CADM1: variants seen among roughly 807,000 people sequenced by gnomAD.
The protein encoded by CADM1 is TSLC-1.
A neutral mutation model predicts 53.1 loss-of-function variants in CADM1; 15 were observed. The observed-to-expected ratio is 0.28, with a 90% CI of 0.19 to 0.44. The LOEUF is 0.44. Among genes scored for constraint, CADM1 ranks in the 20% least tolerant of loss-of-function variants. The probability of loss-of-function intolerance (pLI) is 1.00; values close to 1 mark genes in which losing one functional copy is unlikely to be tolerated. For synonymous variants in CADM1, 281 were observed against 243.0 expected, an observed-to-expected ratio of 1.16 and a Z score of -1.45; for missense variants, 434 against 611.3, an observed-to-expected ratio of 0.71 and a Z score of 3.06.
chr11:115,451,991 G>A (rs751769761), intron 1 of CADM1, among the ~76,000 whole-genome samples: 6 of 152,238 alleles, frequency 3.9e-5, no homozygotes, highest in Non-Finnish European at 8.8e-5. Context: ...GTAACTTCTG[G>A]AAGAGAAACC....
intron 1 of CADM1, among the ~76,000 whole-genome samples, chr11:115,266,139 A>AGT (rs1472440146): frequency 1.3e-5 from 2 of 152,212 alleles, no homozygotes; most frequent in African/African-American, 4.8e-5. Context: ...GCCAGCATTC[A>AGT]GTGTGCTGTG....
intron 1 of CADM1, among the ~76,000 whole-genome samples, chr11:115,315,023 C>T (rs1314627259): frequency 3.3e-5 from 5 of 152,134 alleles, no homozygotes. Flanking sequence ...ACACGTTAAA[C>T]AGTTTAATCT....
At chr11:115,503,403 C>T (rs528314179) in intron 1 of CADM1, among the ~76,000 whole-genome samples, 21 of 152,294 alleles carry the variant, frequency 1.4e-4, no homozygotes, top group African/African-American at 4.8e-4. Context: ...AGGGTGCCCG[C>T]CTGGCCGCAG....
chr11:115,500,810 C>G (rs1449724538), intron 1 of CADM1, among the ~76,000 whole-genome samples: 1 of 152,140 alleles, frequency 6.6e-6, no homozygotes, highest in Non-Finnish European at 1.5e-5. Context: ...TGTGGAGACC[C>G]AGGAATCCGT....
At chr11:115,227,160 C>G (rs1291175482) in intron 5 of CADM1, among the ~76,000 whole-genome samples, 1 of 152,168 alleles carries the variant, frequency 6.6e-6, no homozygotes, top group East Asian at 1.9e-4. Flanking sequence ...TCAATTGGTG[C>G]ATCCTTGTTT....
intron 9 of CADM1, among the ~76,000 whole-genome samples, chr11:115,191,617 TG>T (rs1348839366): frequency 6.6e-6 from 1 of 152,216 alleles, no homozygotes; most frequent in Non-Finnish European, 1.5e-5. Flanking sequence ...ATTCCAATGC[TG>T]GCCAGCTGAG....
At chr11:115,392,544 T>C (rs961999168) in intron 1 of CADM1, among the ~76,000 whole-genome samples, 7 of 152,280 alleles carry the variant, frequency 4.6e-5, no homozygotes, top group African/African-American at 1.7e-4. Flanking sequence ...AAAACCCTAC[T>C]GAAAAGAAAA....
chr11:115,190,813 T>C (rs4936322), intron 10 of CADM1, 75 bp downstream of exon 10: 698,073 of 1,257,940 alleles, frequency 0.55, 196,344 homozygotes, highest in Non-Finnish European at 0.58. Flanking sequence ...GCAAACCAAA[T>C]GGCCATTTTG....
At position 115,381,693 on chromosome 11, in the gene CADM1, G is replaced by A. The variant is rs1428024653; in HGVS notation, c.124+122578C>T. Among the ~76,000 whole-genome samples, 5 of 152,224 alleles carry A rather than the reference G, an allele frequency of 3.3e-5. No homozygotes were observed. The East Asian group carries it at 5.8e-4, about 18-fold the overall frequency. Reference sequence around the variant, plus strand: ...CTATTGAAAACAATACCTGACACACGAAGTACATTAATCTTATTCCCTCCC... The same window carrying A: ...CTATTGAAAACAATACCTGACACACAAAGTACATTAATCTTATTCCCTCCC... On this transcript the variant is annotated intron_variant, in intron 1 of 11. Transcript: ENST00000331581.
chr11:115,404,605 C>T (rs1947265285), intron 1 of CADM1, among the ~76,000 whole-genome samples: 1 of 149,254 alleles, frequency 6.7e-6, no homozygotes. Flanking sequence ...CAAAAAATAA[C>T]ATAAATAAAA....
intron 5 of CADM1, among the ~76,000 whole-genome samples, chr11:115,223,316 T>C (rs918344772): frequency 2.6e-5 from 4 of 152,180 alleles, no homozygotes; most frequent in Non-Finnish European, 5.9e-5. Flanking sequence ...TGTCTCTAAG[T>C]GGTGTCTTAC....
At chr11:115,300,644 C>T (rs973001672) in intron 1 of CADM1, among the ~76,000 whole-genome samples, 2 of 152,012 alleles carry the variant, frequency 1.3e-5, no homozygotes, top group Admixed American at 1.3e-4. Context: ...ATGCTCGTAT[C>T]CCTATTTACA....
chr11:115,411,764 T>C (rs980741760), intron 1 of CADM1, among the ~76,000 whole-genome samples: 2 of 152,218 alleles, frequency 1.3e-5, no homozygotes, highest in East Asian at 3.9e-4. Flanking sequence ...GCCTCTAATT[T>C]CAAATACCCT....
intron 7 of CADM1, 92 bp from the exon 8 acceptor site, chr11:115,209,749 G>T: frequency 6.7e-7 from 1 of 1,487,572 alleles, no homozygotes; most frequent in Non-Finnish European, 9.2e-7. Flanking sequence ...ACATTGAGAT[G>T]TTTGTTTGAT....
chr11:115,228,387 C>A (rs1415813620), intron 5 of CADM1, among the ~76,000 whole-genome samples: 1 of 152,194 alleles, frequency 6.6e-6, no homozygotes, highest in Non-Finnish European at 1.5e-5. Context: ...ACCATCCCAA[C>A]CAAACTCTGG....
At chr11:115,350,135 C>T (rs754666611) in intron 1 of CADM1, among the ~76,000 whole-genome samples, 2 of 152,104 alleles carry the variant, frequency 1.3e-5, no homozygotes, top group Non-Finnish European at 2.9e-5. Context: ...CCATGACTGG[C>T]TAACTTTGTA....
chr11:115,186,774 C>T (rs1210232224), intron 10 of CADM1, among the ~76,000 whole-genome samples: 1 of 152,186 alleles, frequency 6.6e-6, no homozygotes, highest in Non-Finnish European at 1.5e-5. Context: ...AACTGACCTC[C>T]ACCTTCTTCC....
At chr11:115,218,676 A>G (rs1941286919) in intron 5 of CADM1, among the ~76,000 whole-genome samples, 1 of 152,200 alleles carries the variant, frequency 6.6e-6, no homozygotes, top group Admixed American at 6.6e-5. Context: ...ACAGAGAGAG[A>G]GACAGCCCCA....
chr11:115,368,677 T>A (rs1946234045), intron 1 of CADM1, among the ~76,000 whole-genome samples: 1 of 151,988 alleles, frequency 6.6e-6, no homozygotes, highest in South Asian at 2.1e-4. Flanking sequence ...TTCCTATCCA[T>A]CTTTGGGTTA....
Sources: gnomAD v4.1 joint callset for allele counts (sites outside exome capture counted in the v4.1 genomes callset) on GRCh38, gnomAD v4.1.1 for gene constraint, MANE v1.5 for transcripts, NCBI Gene and HGNC (gene_info 2026-07-23, HGNC 2026-07-21) for gene names.